Variants in INSL6 observed in about 807,000 individuals in gnomAD.
The protein encoded by INSL6 is insulin like 6.
A neutral mutation model predicts 9.4 loss-of-function variants in INSL6; 16 were observed. The observed-to-expected ratio is 1.70, with a 90% confidence interval of 1.15 to 2.59. INSL6 has a LOEUF of 2.59. Ranked by LOEUF, INSL6 falls within the 30% of genes most tolerant of loss-of-function variation. INSL6 has a pLI of 0.00. For missense variants in INSL6, 391 were observed against 257.3 expected (o/e 1.52, Z -3.56); for synonymous variants, 154 against 96.9 (o/e 1.59, Z -3.46).
At chr9:5,033,812 C>A in the INSL6 span, among the ~76,000 whole-genome samples, 1 of 152,132 alleles carries the variant, frequency 6.6e-6, no homozygotes, top group East Asian at 1.9e-4. Flanking sequence ...ACCATCGAGG[C>A]TAGGAAGAAA....
the INSL6 span, among the ~76,000 whole-genome samples, chr9:5,042,817 C>A: frequency 6.6e-6 from 1 of 152,194 alleles, no homozygotes; most frequent in Non-Finnish European, 1.5e-5. Flanking sequence ...GGGGCCGCGG[C>A]TGAAGCCAGC....
chr9:5,061,062 C>T, the INSL6 span, among the ~76,000 whole-genome samples: 1 of 152,152 alleles, frequency 6.6e-6, no homozygotes, highest in East Asian at 1.9e-4. Context: ...CAGATCTTAA[C>T]AATGGGCTTA....
intron 2 of INSL6, among the ~76,000 whole-genome samples, chr9:5,144,360 C>T (rs1197470387): frequency 2.0e-5 from 3 of 152,024 alleles, no homozygotes; most frequent in African/African-American, 4.8e-5. Flanking sequence ...CACTGTGGTA[C>T]GAGAGACCGT....
chr9:5,147,246 C>T (rs1824617946), intron 2 of INSL6, among the ~76,000 whole-genome samples: 1 of 152,108 alleles, frequency 6.6e-6, no homozygotes, highest in Non-Finnish European at 1.5e-5. Context: ...TGGAACTAAA[C>T]CAGGGGGTTC....
At chr9:5,013,401 T>C in the INSL6 span, among the ~76,000 whole-genome samples, 2 of 152,230 alleles carry the variant, frequency 1.3e-5, no homozygotes, top group Non-Finnish European at 2.9e-5. Flanking sequence ...TATCTTGCAA[T>C]AGAATGCAAA....
At chr9:5,182,518 C>T (rs1022563547) in intron 1 of INSL6, among the ~76,000 whole-genome samples, 3 of 151,980 alleles carry the variant, frequency 2.0e-5, no homozygotes, top group African/African-American at 7.3e-5. Flanking sequence ...GAGCCTTCAC[C>T]GTTTACTCTA....
chr9:5,070,200 AC>A, the INSL6 span: 1 of 474,298 alleles, frequency 2.1e-6, no homozygotes, highest in East Asian at 3.5e-5. Flanking sequence ...AAATATGCCA[AC>A]CTTGTGTTAG....
chr9:5,161,417 A>G (rs2130903163), downstream of INSL6, among the ~76,000 whole-genome samples: 1 of 152,342 alleles, frequency 6.6e-6, no homozygotes, highest in South Asian at 2.1e-4. Flanking sequence ...TGAGTATAGA[A>G]GGAACATACC....
At chr9:4,994,706 G>A in the INSL6 span, among the ~76,000 whole-genome samples, 2 of 152,064 alleles carry the variant, frequency 1.3e-5, no homozygotes, top group African/African-American at 2.4e-5. Context: ...ACAGGCAGCT[G>A]GCTAAATTTG....
rs559902558 is a variant in INSL6 at position 5,175,592 on chromosome 9, C to T, written c.289+9722G>A. ...ACCAGGCCACATGGCAGGAGGTAAG[C>T]AGTGGGCAGGCGAGCGAGCAAAGCT... On this transcript the variant is annotated intron_variant, in intron 1 of 1. Coordinates refer to ENST00000381641, the MANE Select transcript of INSL6 (RefSeq NM_007179.3). 7.9e-5 allele frequency among the ~76,000 whole-genome samples: 12 copies of T among 152,270 alleles called. 1 individual carries two copies. The South Asian group carries it at 2.3e-3, about 29-fold the overall frequency.
intron 2 of INSL6, among the ~76,000 whole-genome samples, chr9:5,133,834 C>T (rs1276715671): frequency 6.6e-6 from 1 of 151,878 alleles, no homozygotes; most frequent in Non-Finnish European, 1.5e-5. Flanking sequence ...CAAAACTGGA[C>T]TGAGAATGAG....
At chr9:5,135,426 A>G (rs1039786336) in intron 2 of INSL6, among the ~76,000 whole-genome samples, 1 of 152,184 alleles carries the variant, frequency 6.6e-6, no homozygotes, top group African/African-American at 2.4e-5. Flanking sequence ...ACAGTCTCTC[A>G]TATCAGAGTG....
chr9:5,112,704 T>G, the INSL6 span: 1 of 866,780 alleles, frequency 1.2e-6, no homozygotes. Context: ...GAGCAGCAAG[T>G]GCGAGAGCGG....
At chr9:5,145,297 T>C (rs1294905764) in intron 2 of INSL6, among the ~76,000 whole-genome samples, 2 of 152,070 alleles carry the variant, frequency 1.3e-5, no homozygotes, top group Non-Finnish European at 2.9e-5. Context: ...CTATCTCTTC[T>C]GGCTTGGAGG....
the INSL6 span, among the ~76,000 whole-genome samples, chr9:5,117,792 A>G: frequency 6.6e-6 from 1 of 152,200 alleles, no homozygotes; most frequent in Non-Finnish European, 1.5e-5. Flanking sequence ...TATACGAGGA[A>G]GCCTGAGATC....
At chr9:5,149,231 A>G (rs759001756) in intron 2 of INSL6, among the ~76,000 whole-genome samples, 1 of 152,260 alleles carries the variant, frequency 6.6e-6, no homozygotes, top group Non-Finnish European at 1.5e-5. Flanking sequence ...AACCAGCCAT[A>G]GCATTTAGGC....
intron 2 of INSL6, among the ~76,000 whole-genome samples, chr9:5,137,912 GT>G (rs1824417389): frequency 6.6e-6 from 1 of 150,450 alleles, no homozygotes. Context: ...CCATAAAAAA[GT>G]AGGTGAAGGA....
At chr9:5,161,145 C>T (rs1824918016), downstream of INSL6, among the ~76,000 whole-genome samples, 1 of 152,126 alleles carries the variant, frequency 6.6e-6, no homozygotes, top group African/African-American at 2.4e-5. Context: ...AGGAAAACTA[C>T]AGGCCATTAT....
chr9:5,089,565 A>C, the INSL6 span: 1 of 308,722 alleles, frequency 3.2e-6, no homozygotes, highest in Admixed American at 5.3e-5. Flanking sequence ...AAAAAAAAAA[A>C]GACAGTCTGC....
Sources: allele counts gnomAD v4.1 joint callset (sites outside exome capture counted in the v4.1 genomes callset), GRCh38; gene constraint gnomAD v4.1.1; transcripts MANE v1.5; gene names NCBI Gene and HGNC (gene_info 2026-07-23, HGNC 2026-07-21).